TEX14: variants seen among roughly 807,000 people sequenced by gnomAD.
TEX14 encodes inactive serine/threonine-protein kinase TEX14.
A neutral mutation model predicts 178.6 loss-of-function variants in TEX14; 168 were observed. That is an observed-to-expected ratio of 0.94 (90% CI 0.83 to 1.07). The LOEUF is 1.07. TEX14 is among the 50% of genes least tolerant of loss of function. TEX14 has a pLI of 0.00. For synonymous variants in TEX14, 626 were observed against 634.1 expected (o/e 0.99, Z 0.19); for missense variants, 1,730 against 1,753.6 (o/e 0.99, Z 0.24).
At chr17:58,627,012 C>A (rs1230413295) in intron 3 of TEX14, among the ~76,000 whole-genome samples, 1 of 152,152 alleles carries the variant, frequency 6.6e-6, no homozygotes, top group East Asian at 1.9e-4. Flanking sequence ...TGTTCCCAAC[C>A]AGAAAATACA....
At chr17:58,637,089 T>C (rs1036183378) in intron 2 of TEX14, among the ~76,000 whole-genome samples, 2 of 151,778 alleles carry the variant, frequency 1.3e-5, no homozygotes, top group African/African-American at 2.4e-5. Flanking sequence ...TAGTTGGGCA[T>C]GATGGTGGGC....
chr17:58,629,216 T>G (rs538583302), intron 3 of TEX14, among the ~76,000 whole-genome samples: 1 of 152,168 alleles, frequency 6.6e-6, no homozygotes, highest in Admixed American at 6.5e-5. Context: ...ATCCCAGCAC[T>G]GTGGGAGGCC....
chr17:58,641,488 T>TTTTTTATTA (rs1555577864), intron 2 of TEX14, among the ~76,000 whole-genome samples: 6 of 143,642 alleles, frequency 4.2e-5, no homozygotes, highest in African/African-American at 1.3e-4. Flanking sequence ...TTCTCTTTTA[T>TTTTTTATTA]TTATTATTAT....
At chr17:58,653,842 C>A (rs1014143483) in intron 1 of TEX14, among the ~76,000 whole-genome samples, 7 of 152,190 alleles carry the variant, frequency 4.6e-5, no homozygotes, top group Non-Finnish European at 1.0e-4. Flanking sequence ...GTTCCACTAA[C>A]CCTTTACTAT....
At chr17:58,645,671 T>C (rs1392768635) in intron 2 of TEX14, among the ~76,000 whole-genome samples, 1 of 152,144 alleles carries the variant, frequency 6.6e-6, no homozygotes, top group Non-Finnish European at 1.5e-5. Context: ...GCTTCTATAA[T>C]ATAAAGGATA....
intron 1 of TEX14, among the ~76,000 whole-genome samples, chr17:58,685,210 G>A (rs1052853680): frequency 6.6e-6 from 1 of 151,956 alleles, no homozygotes; most frequent in Non-Finnish European, 1.5e-5. Context: ...GAGGTGGGTG[G>A]ATCACCTGAG....
At chr17:58,635,530 A>T (rs1489357470) in intron 2 of TEX14, among the ~76,000 whole-genome samples, 2 of 151,648 alleles carry the variant, frequency 1.3e-5, no homozygotes, top group Non-Finnish European at 2.9e-5. Flanking sequence ...CCCAGGTTCA[A>T]GTGATTCTCC....
At chr17:58,683,052 C>CAA (rs1194798521) in intron 1 of TEX14, among the ~76,000 whole-genome samples, 91 of 53,274 alleles carry the variant, frequency 1.7e-3, no homozygotes, top group Admixed American at 2.5e-3. Context: ...GAGTCTGTCT[C>CAA]AAAAAAAAAA....
chr17:58,590,534 T>TTTGTTGTTGTTGTTGTTGTTG (rs76273680), intron 15 of TEX14, among the ~76,000 whole-genome samples: 8 of 149,328 alleles, frequency 5.4e-5, no homozygotes, highest in Non-Finnish European at 8.9e-5. Context: ...TCCAACTATT[T>TTTGTTGTTGTTGTTGTTGTTG]TTGTTGTTGT....
chr17:58,574,565 A>G (rs1416951186), intron 21 of TEX14, among the ~76,000 whole-genome samples: 1 of 150,012 alleles, frequency 6.7e-6, no homozygotes, highest in Non-Finnish European at 1.5e-5. Flanking sequence ...AGTTCCAGCT[A>G]CTCGGGAGGC....
chr17:58,650,960 C>A (rs1223196493), intron 2 of TEX14, among the ~76,000 whole-genome samples: 2 of 152,132 alleles, frequency 1.3e-5, no homozygotes, highest in Admixed American at 6.6e-5. Flanking sequence ...GACAGGGGAT[C>A]AAGCAGGACC....
intron 23 of TEX14, among the ~76,000 whole-genome samples, chr17:58,572,501 G>A (rs546854932): frequency 2.0e-5 from 3 of 152,026 alleles, no homozygotes; most frequent in East Asian, 3.9e-4. Context: ...GTGCGGTGGC[G>A]GGCGCCTGTA....
At chr17:58,659,242 A>G in intron 1 of TEX14, 1 of 555,608 alleles carries the variant, frequency 1.8e-6, no homozygotes, top group Non-Finnish European at 2.1e-6. Flanking sequence ...ACATAGTAAA[A>G]ACCCTCCCCC....
chr17:58,573,060 G>A, intron 23 of TEX14, 121 bp downstream of exon 23: 5 of 1,411,758 alleles, frequency 3.5e-6, no homozygotes, highest in Non-Finnish European at 2.9e-6. Flanking sequence ...TGGCCCTAAA[G>A]AAAAACCTTT....
intron 14 of TEX14, among the ~76,000 whole-genome samples, chr17:58,594,800 A>T (rs1302796703): frequency 1.3e-5 from 2 of 152,000 alleles, no homozygotes; most frequent in African/African-American, 2.4e-5. Flanking sequence ...AAAGTAAAAC[A>T]AATGAAAGTC....
chr17:58,652,915 T>C (rs544661984), intron 1 of TEX14, among the ~76,000 whole-genome samples: 1 of 152,076 alleles, frequency 6.6e-6, no homozygotes, highest in Non-Finnish European at 1.5e-5. Flanking sequence ...ATGGGGATAA[T>C]AATAAGCAGA....
chr17:58,591,245 C>T (rs1214894508), intron 15 of TEX14, among the ~76,000 whole-genome samples: 3 of 152,068 alleles, frequency 2.0e-5, no homozygotes, highest in East Asian at 1.9e-4. Context: ...TGGCTGGGCG[C>T]GGTGGCTCAC....
At chr17:58,689,429 C>T (rs911907448) in intron 1 of TEX14, among the ~76,000 whole-genome samples, 1 of 151,900 alleles carries the variant, frequency 6.6e-6, no homozygotes, top group Non-Finnish European at 1.5e-5. Flanking sequence ...TCATGTTGGC[C>T]AGGATGGTCT....
intron 1 of TEX14, among the ~76,000 whole-genome samples, chr17:58,664,576 G>A (rs2047175366): frequency 6.6e-6 from 1 of 152,180 alleles, no homozygotes; most frequent in South Asian, 2.1e-4. Context: ...CAGAGACTGA[G>A]TCTGCCTGCA....
Sources: allele counts gnomAD v4.1 joint callset (sites outside exome capture counted in the v4.1 genomes callset), GRCh38; gene constraint gnomAD v4.1.1; transcripts MANE v1.5; gene names NCBI Gene and HGNC (gene_info 2026-07-23, HGNC 2026-07-21).